Variants in ELMO1 observed in about 807,000 individuals in gnomAD.
The protein encoded by ELMO1 is engulfment and cell motility 1.
Under a neutral mutation model 98.9 loss-of-function variants are expected in ELMO1, and 26 were observed. That is an observed-to-expected ratio of 0.26 (90% CI 0.19 to 0.36). ELMO1 has a LOEUF of 0.36. Ranked by LOEUF, ELMO1 falls within the 10% of genes least tolerant of loss-of-function variation. The pLI is 1.00. For missense variants in ELMO1, 627 were observed against 935.2 expected (o/e 0.67, Z 4.30); for synonymous variants, 346 against 346.0 (o/e 1.00, Z 0.00).
At chr7:37,153,357 G>C (rs928316488) in intron 13 of ELMO1, among the ~76,000 whole-genome samples, 2 of 152,172 alleles carry the variant, frequency 1.3e-5, no homozygotes, top group African/African-American at 4.8e-5. Flanking sequence ...GAAGCACAAG[G>C]GGTCCAGGGA....
chr7:37,005,692 C>CCAAA (rs1554389527), intron 16 of ELMO1, among the ~76,000 whole-genome samples: 3 of 37,496 alleles, frequency 8.0e-5, no homozygotes, highest in African/African-American at 2.1e-4. Flanking sequence ...GACTCTGTCT[C>CCAAA]AAAAAAAAAA....
At chr7:37,149,832 C>T (rs867580603) in intron 13 of ELMO1, among the ~76,000 whole-genome samples, 2 of 152,126 alleles carry the variant, frequency 1.3e-5, no homozygotes, top group Admixed American at 6.5e-5. Context: ...CAAAGAAATG[C>T]TAATATTTTG....
intron 13 of ELMO1, among the ~76,000 whole-genome samples, chr7:37,159,374 T>C (rs1789035543): frequency 6.6e-6 from 1 of 152,182 alleles, no homozygotes; most frequent in South Asian, 2.1e-4. Context: ...AAATTTCACT[T>C]AGTATTTTCA....
At chr7:37,063,690 A>G (rs972137559) in intron 15 of ELMO1, among the ~76,000 whole-genome samples, 2 of 152,082 alleles carry the variant, frequency 1.3e-5, no homozygotes, top group East Asian at 1.9e-4. Context: ...CTCATCTCCA[A>G]TGACCCTTCA....
chr7:37,303,334 A>C (rs1009537562), intron 4 of ELMO1, among the ~76,000 whole-genome samples: 1 of 152,206 alleles, frequency 6.6e-6, no homozygotes, highest in Admixed American at 6.5e-5. Flanking sequence ...AAGGCATTCC[A>C]AGTAGTAAAG....
At chr7:37,185,948 G>T (rs374399059) in intron 13 of ELMO1, among the ~76,000 whole-genome samples, 2 of 152,118 alleles carry the variant, frequency 1.3e-5, no homozygotes, top group African/African-American at 4.8e-5. Flanking sequence ...TGACTTCTGC[G>T]TAGAAATCAA....
intron 2 of ELMO1, among the ~76,000 whole-genome samples, chr7:37,332,326 A>C (rs1800176535): frequency 6.6e-6 from 1 of 152,254 alleles, no homozygotes. Flanking sequence ...AAAAGTATAA[A>C]TATCACTTAT....
intron 16 of ELMO1, among the ~76,000 whole-genome samples, chr7:36,910,514 G>T (rs1205297527): frequency 1.3e-5 from 2 of 152,224 alleles, no homozygotes; most frequent in Non-Finnish European, 2.9e-5. Flanking sequence ...AACTGCTCAA[G>T]ATCAGTTTGG....
chr7:37,049,534 T>C (rs1296067729), intron 15 of ELMO1, among the ~76,000 whole-genome samples: 4 of 152,156 alleles, frequency 2.6e-5, no homozygotes, highest in African/African-American at 9.7e-5. Context: ...GGGAGCCTGC[T>C]GTATCCTTCT....
At chr7:37,156,795 G>C (rs953654149) in intron 13 of ELMO1, among the ~76,000 whole-genome samples, 2 of 152,126 alleles carry the variant, frequency 1.3e-5, no homozygotes, top group Non-Finnish European at 2.9e-5. Flanking sequence ...GAAAAACAGG[G>C]AATCCTCCCT....
At position 37,068,898 on chromosome 7, in the gene ELMO1, AAG is replaced by A. The variant is rs200441677; in HGVS notation, c.1300+27719_1300+27720del. On this transcript the variant is annotated intron_variant, in intron 15 of 21. Transcript: ENST00000310758. Reference sequence around the variant, plus strand: ...TTGAAGGCTATAAATCTTAAATATAAAGGTGGCTAATACAAAATAATTATAAA... The same window carrying A: ...TTGAAGGCTATAAATCTTAAATATAAGTGGCTAATACAAAATAATTATAAA... 9.0e-3 allele frequency among the ~76,000 whole-genome samples: 1,378 copies of A among 152,318 alleles called. 6 individuals are homozygous for A. Among genetic ancestry groups the A allele is most frequent in the Middle Eastern group, 0.014 (4 of 294 alleles).
Position 36,890,310 on chromosome 7 carries a change from C to A in ELMO1, c.1602-2638G>T, listed in dbSNP as rs578255508. Among the ~76,000 whole-genome samples, 6 of 152,366 alleles carry A rather than the reference C, an allele frequency of 3.9e-5. No individual in the cohort carries two copies. In the South Asian group the frequency reaches 1.2e-3, roughly 32 times the overall value. On this transcript the variant is annotated intron_variant, in intron 17 of 21. Transcript: ENST00000310758. ...TTCAAGTTCAAGCCCAGTGAGGCCA[C>A]TGCCATGCACAGAAGACAGACAGCA...
chr7:37,373,112 C>T (rs1444336364), intron 1 of ELMO1, among the ~76,000 whole-genome samples: 2 of 152,196 alleles, frequency 1.3e-5, no homozygotes, highest in African/African-American at 2.4e-5. Context: ...GTCAGCATTT[C>T]ATGGTGCAGC....
chr7:37,287,298 C>T (rs547959554), intron 4 of ELMO1, among the ~76,000 whole-genome samples: 14 of 152,226 alleles, frequency 9.2e-5, no homozygotes, highest in Admixed American at 5.2e-4. Context: ...TTAAGCACTG[C>T]AGGCTAGAAT....
intron 1 of ELMO1, among the ~76,000 whole-genome samples, chr7:37,408,876 A>G (rs1433659471): frequency 6.6e-6 from 1 of 152,226 alleles, no homozygotes. Context: ...TGTGCTGTAT[A>G]CTTCAAATGG....
intron 16 of ELMO1, among the ~76,000 whole-genome samples, chr7:36,951,528 C>G (rs938460482): frequency 7.9e-5 from 12 of 152,198 alleles, no homozygotes; most frequent in Non-Finnish European, 1.2e-4. Flanking sequence ...CTGGAACCAC[C>G]TGGAGGGCTC....
At chr7:37,017,860 G>A (rs1794032164) in intron 15 of ELMO1, among the ~76,000 whole-genome samples, 1 of 152,116 alleles carries the variant, frequency 6.6e-6, no homozygotes, top group African/African-American at 2.4e-5. Flanking sequence ...GAAAACATGT[G>A]CTCAAGATCA....
chr7:37,354,401 C>G (rs1272029855), intron 1 of ELMO1, among the ~76,000 whole-genome samples: 1 of 152,186 alleles, frequency 6.6e-6, no homozygotes, highest in African/African-American at 2.4e-5. Context: ...CATTTGTTCC[C>G]ACTGGACAGA....
At chr7:36,865,517 T>A (rs1285233669) in intron 20 of ELMO1, among the ~76,000 whole-genome samples, 1 of 152,172 alleles carries the variant, frequency 6.6e-6, no homozygotes, top group African/African-American at 2.4e-5. Context: ...CTTCTCCCCA[T>A]CCCCATCCAT....
Sources: allele counts gnomAD v4.1 joint callset (sites outside exome capture counted in the v4.1 genomes callset), GRCh38; gene constraint gnomAD v4.1.1; transcripts MANE v1.5; gene names NCBI Gene and HGNC (gene_info 2026-07-23, HGNC 2026-07-21).